IARS2: variants seen among roughly 807,000 people sequenced by gnomAD.
IARS2 encodes the protein isoleucine--tRNA ligase, mitochondrial.
IARS2 carries 56 observed loss-of-function variants against 126.3 expected under a neutral mutation model. The observed-to-expected ratio is 0.44, with a 90% CI of 0.36 to 0.55. The LOEUF (loss-of-function observed/expected upper bound fraction) is 0.55. Among genes scored for constraint, IARS2 ranks in the 20% least tolerant of loss-of-function variants. The pLI, the probability that IARS2 is intolerant of heterozygous loss-of-function variation, is 0.00. For missense variants in IARS2, 1,127 were observed against 1,245.9 expected (o/e 0.90, Z 1.44); for synonymous variants, 407 against 441.1 (o/e 0.92, Z 0.97).
chr1:220,114,324 A>T lies in IARS2; in HGVS notation c.1490A>T (p.Lys497Ile). 1 of 1,613,730 alleles carries T rather than the reference A, an allele frequency of 6.2e-7. No individual in the cohort carries two copies. The highest frequency in any genetic ancestry group is 8.5e-7 in the Non-Finnish European group (1 of 1,179,646). The change falls in exon 12 of 23, where the codon AAA becomes ATA. Residue 497 changes from lysine to isoleucine, a missense_variant. Coordinates refer to ENST00000366922, the MANE Select transcript of IARS2 (RefSeq NM_018060.4). ...DIKTAAKELLKKVKFIPGSAL... is the reference protein window; with the variant it reads ...DIKTAAKELLIKVKFIPGSAL... ...ATGAATTAATTGCAGGAATTGTTAA[A>T]AAAGGTGAAATTTATTCCTGGATCA...
intron 2 of IARS2, among the ~76,000 whole-genome samples, chr1:220,098,134 G>A (rs186197472): frequency 1.6e-3 from 242 of 152,114 alleles, no homozygotes; most frequent in Non-Finnish European, 1.6e-3. Flanking sequence ...TGATCCACCC[G>A]CCTCGGCCTC....
At chr1:220,134,765 GTTGTT>G (rs1657338552) in intron 15 of IARS2, 3 of 206,714 alleles carry the variant, frequency 1.5e-5, no homozygotes, top group Non-Finnish European at 2.9e-5. Flanking sequence ...CTTTGTTGTT[GTTGTT>G]TTTTTTTTTT....
intron 11 of IARS2, 132 bp downstream of exon 11, chr1:220,111,069 G>A: frequency 1.2e-6 from 1 of 840,012 alleles, no homozygotes; most frequent in Middle Eastern, 3.1e-4. Context: ...TCATAACATT[G>A]TAGAATTTTA....
chr1:220,110,161 G>C (rs1189428469), intron 10 of IARS2, among the ~76,000 whole-genome samples: 1 of 150,664 alleles, frequency 6.6e-6, no homozygotes, highest in East Asian at 2.0e-4. Flanking sequence ...AGGTTCAAAT[G>C]ATTCTCCCAC....
chr1:220,107,070 G>A lies in IARS2; in HGVS notation c.1246G>A (p.Val416Met), dbSNP rs1285630444. 1 of 1,607,830 alleles carries A rather than the reference G, an allele frequency of 6.2e-7. No individual in the cohort carries two copies. Residue 416 changes from valine (V) to methionine (M), a missense_variant, in exon 10 of 23, where the codon GTG becomes ATG. Physicochemically the swap from Val to Met is conservative, Grantham distance 21. Transcript: ENST00000366922. ...SQHNLPMDCL[V>M]DEDGVFTDVA... ...AAATGATACTTTATAGGATTGTCTAGTGGACGAAGATGGAGTTTTCACAGA... is the reference window on the plus strand; with the variant it reads ...AAATGATACTTTATAGGATTGTCTAATGGACGAAGATGGAGTTTTCACAGA...
chr1:220,140,131 A>G (rs1162618755), intron 18 of IARS2, 52 bp from the exon 19 acceptor site: 1 of 1,050,846 alleles, frequency 9.5e-7, no homozygotes, highest in Admixed American at 1.7e-5. Flanking sequence ...GATGACTTAC[A>G]TTTTCATTTG....
intron 19 of IARS2, among the ~76,000 whole-genome samples, chr1:220,140,756 G>A (rs961663406): frequency 1.3e-5 from 2 of 152,032 alleles, no homozygotes; most frequent in African/African-American, 2.4e-5. Flanking sequence ...AGGCCGAGGC[G>A]GGCGGATCAC....
intron 12 of IARS2, among the ~76,000 whole-genome samples, chr1:220,124,765 G>T (rs1657119338): frequency 6.6e-6 from 1 of 152,162 alleles, no homozygotes; most frequent in African/African-American, 2.4e-5. Context: ...AAGCAGTTTA[G>T]GAATGCATCT....
intron 7 of IARS2, 131 bp from the exon 8 acceptor site, chr1:220,103,316 G>C: frequency 1.7e-6 from 1 of 591,720 alleles, no homozygotes; most frequent in Non-Finnish European, 3.0e-6. Flanking sequence ...CCAAAGTGCT[G>C]GGATTATAGA....
At chr1:220,118,844 G>T (rs1366891684) in intron 12 of IARS2, among the ~76,000 whole-genome samples, 1 of 151,972 alleles carries the variant, frequency 6.6e-6, no homozygotes, top group Non-Finnish European at 1.5e-5. Context: ...ATTAAATAAA[G>T]AAAAATTTCT....
rs199649609 is a variant in IARS2, at chr1:220,110,770, G to GT, written c.1328-5dup. The GT allele has an allele frequency of 0.043, 47,280 of 1,107,770 alleles. 4 individuals are homozygous for GT. The highest frequency in any genetic ancestry group is 0.06 in the South Asian group (3,473 of 58,008). The allele number at this position is 1,107,770 out of a possible 1,614,324, so 68.6% of individuals were successfully genotyped here. On this transcript the variant is annotated splice_polypyrimidine_tract_variant and intron_variant, in intron 10 of 22. Transcript: ENST00000366922. The stretch of plus-strand genomic sequence containing the variant: ...ACTTTTTAATTATGTCTAATTTGGT[G>GT]TTTTTTTTTTTAAAGTTATAAAGAT...
chr1:220,096,474 C>G (rs1327273384), intron 2 of IARS2, among the ~76,000 whole-genome samples: 2 of 152,200 alleles, frequency 1.3e-5, no homozygotes, highest in East Asian at 3.9e-4. Flanking sequence ...AGGCATTGTT[C>G]TAGAATCTGG....
intron 21 of IARS2, 33 bp downstream of exon 21, chr1:220,143,167 TTAGTATCA>T (rs1657523682): frequency 1.3e-6 from 2 of 1,523,612 alleles, no homozygotes; most frequent in East Asian, 2.3e-5. Context: ...TGAAATGGTG[TTAGTATCA>T]TAGAGCTTTG....
chr1:220,112,166 C>T lies in IARS2; in HGVS notation c.1479+1229C>T, dbSNP rs1437158567. Among the ~76,000 whole-genome samples, 3 of 54,814 alleles carry T rather than the reference C, an allele frequency of 5.5e-5. 1 individual carries two copies. Among genetic ancestry groups the T allele is most frequent in the Non-Finnish European group, 3.5e-5 (1 of 28,226 alleles). 36.0% of individuals were successfully genotyped at this position (54,814 alleles called of 152,430 possible). A position where few individuals can be genotyped will look rare whatever the true frequency, so the allele number is the denominator to read the frequency against. On this transcript the variant is annotated intron_variant, in intron 11 of 22. Transcript: ENST00000366922. ...TTTTTGAGACGGAGTCTCGCTCTGT[C>T]GCCCAGGTCGGACTGCGGACTGCAG...
chr1:220,114,764 A>T (rs1370593892), intron 12 of IARS2, among the ~76,000 whole-genome samples: 1 of 152,202 alleles, frequency 6.6e-6, no homozygotes, highest in Non-Finnish European at 1.5e-5. Context: ...GACAGTGTTT[A>T]GCAGGGGAGC....
At position 220,126,333 on chromosome 1, in the gene IARS2, A is replaced by C. The variant is rs116331785; in HGVS notation, c.1744-417A>C. Among the ~76,000 whole-genome samples, 3 of 152,018 alleles carry C rather than the reference A, an allele frequency of 2.0e-5. No homozygotes were observed. The East Asian group carries it at 5.8e-4, about 29-fold the overall frequency. Reference sequence around the variant, plus strand: ...ATAAAGTAGTGGAATGTGAGGGTCAATTGTTATCTCATTGAGGGCCAGGAT... The same window carrying C: ...ATAAAGTAGTGGAATGTGAGGGTCACTTGTTATCTCATTGAGGGCCAGGAT... On this transcript the variant is annotated intron_variant, in intron 13 of 22. Coordinates refer to ENST00000366922, the MANE Select transcript of IARS2 (RefSeq NM_018060.4).
At chr1:220,095,249 G>C (rs992799702) in intron 1 of IARS2, among the ~76,000 whole-genome samples, 2 of 152,154 alleles carry the variant, frequency 1.3e-5, no homozygotes, top group African/African-American at 4.8e-5. Context: ...ATGTTGGCCA[G>C]GGTGGTCTCT....
chr1:220,096,201 C>T lies in IARS2; in HGVS notation c.365C>T (p.Pro122Leu), dbSNP rs1571841579. The change falls in exon 2 of 23, where the codon CCT becomes CTT. Residue 122 changes from proline (P) to leucine (L), a missense_variant. By Grantham distance (98) the Pro-to-Leu change is moderately conservative. Coordinates refer to ENST00000366922, the MANE Select transcript of IARS2 (RefSeq NM_018060.4). ...HDGPPYANGD[P>L]HVGHALNKIL... ...GGACCTCCTTATGCAAACGGTGACC[C>T]TCATGTTGGACATGCTTTAAATAAG... The T allele has an allele frequency of 1.9e-6, 3 of 1,587,184 alleles. No individual in the cohort carries two copies. Among genetic ancestry groups the T allele is most frequent in the South Asian group, 2.4e-5 (2 of 85,082 alleles).
At chr1:220,113,566 T>C (rs191913665) in intron 11 of IARS2, among the ~76,000 whole-genome samples, 396 of 152,248 alleles carry the variant, frequency 2.6e-3, no homozygotes, top group African/African-American at 9.1e-3. Flanking sequence ...TCAACCTTAT[T>C]TTGGGAATGG....
Sources: gnomAD v4.1 joint callset for allele counts (sites outside exome capture counted in the v4.1 genomes callset) on GRCh38, gnomAD v4.1.1 for gene constraint, MANE v1.5 for transcripts, NCBI Gene and HGNC (gene_info 2026-07-23, HGNC 2026-07-21) for gene names.